GABRB1: variants seen among roughly 807,000 people sequenced by gnomAD.
The protein encoded by GABRB1 is gamma-aminobutyric acid receptor subunit beta-1.
In GABRB1, 17 loss-of-function variants were observed where a neutral mutation model predicts 51.6. The ratio of observed to expected loss-of-function variants is 0.33; its 90% CI spans 0.23 to 0.49. GABRB1 has a LOEUF of 0.49. Among genes scored for constraint, GABRB1 ranks in the 20% least tolerant of loss-of-function variants. GABRB1 has a pLI of 0.99. For missense variants in GABRB1, 410 were observed against 600.6 expected, an observed-to-expected ratio of 0.68 and a Z score of 3.32; for synonymous variants, 247 against 218.9, an observed-to-expected ratio of 1.13 and a Z score of -1.14.
intron 3 of GABRB1, among the ~76,000 whole-genome samples, chr4:47,068,089 A>T (rs1727163366): frequency 6.6e-6 from 1 of 152,160 alleles, no homozygotes; most frequent in Admixed American, 6.6e-5. Context: ...GTATTCTGAC[A>T]GCTTCCTTTC....
chr4:47,382,106 C>A (rs942445528), intron 5 of GABRB1, among the ~76,000 whole-genome samples: 4 of 152,152 alleles, frequency 2.6e-5, no homozygotes, highest in African/African-American at 9.7e-5. Context: ...AGAATAGAAT[C>A]TAGGTATAAT....
chr4:47,187,339 T>C (rs1163090962), intron 4 of GABRB1, among the ~76,000 whole-genome samples: 1 of 151,844 alleles, frequency 6.6e-6, no homozygotes, highest in Admixed American at 6.6e-5. Context: ...TACAAACTAA[T>C]CATGTCCTAA....
intron 4 of GABRB1, among the ~76,000 whole-genome samples, chr4:47,284,563 G>T (rs141763358): frequency 3.7e-4 from 57 of 152,040 alleles, no homozygotes; most frequent in Admixed American, 2.6e-4. Context: ...CTCTCAAGAG[G>T]GTTCACAACA....
chr4:47,413,474 C>T (rs183675479), intron 8 of GABRB1, among the ~76,000 whole-genome samples: 94 of 152,238 alleles, frequency 6.2e-4, no homozygotes, highest in African/African-American at 2.3e-3. Flanking sequence ...ATTAATAATG[C>T]AAACTGTGTG....
Position 47,337,765 on chromosome 4 carries a change from A to G in GABRB1, c.544+17556A>G, listed in dbSNP as rs1366332219. Among the ~76,000 whole-genome samples the G allele has an allele frequency of 2.7e-5, 4 of 146,296 alleles. No homozygotes were observed. In the East Asian group the frequency reaches 6.2e-4, roughly 23 times the overall value. Reference sequence around the variant, plus strand: ...GCAAAGGTTTCAGTGAGCCGACATCATGCCACTGCACTCCAGCCTGGGCGA... The same window carrying G: ...GCAAAGGTTTCAGTGAGCCGACATCGTGCCACTGCACTCCAGCCTGGGCGA... On this transcript the variant is annotated intron_variant, in intron 5 of 8. Coordinates refer to ENST00000295454, the MANE Select transcript of GABRB1 (RefSeq NM_000812.4).
chr4:47,215,399 C>T (rs1042136258), intron 4 of GABRB1, among the ~76,000 whole-genome samples: 19 of 151,912 alleles, frequency 1.3e-4, no homozygotes, highest in African/African-American at 4.6e-4. Flanking sequence ...AACAGTAATT[C>T]TCAAAGTTTA....
chr4:47,019,619 T>TCTC (rs1724851986), intron 1 of GABRB1, among the ~76,000 whole-genome samples: 4 of 108,036 alleles, frequency 3.7e-5, no homozygotes, highest in Non-Finnish European at 7.5e-5. Flanking sequence ...CTTTCTTTCT[T>TCTC]TCTCTCTCTT....
At chr4:47,312,086 C>A (rs1016129060) in intron 4 of GABRB1, among the ~76,000 whole-genome samples, 1 of 151,258 alleles carries the variant, frequency 6.6e-6, no homozygotes, top group Non-Finnish European at 1.5e-5. Flanking sequence ...TGCATACAGG[C>A]ATGCTTGGTG....
In GABRB1 at chr4:47,254,361, G is replaced by GGTTTTTTT. The variant is rs1305298443; in HGVS notation, c.462-65766_462-65765insGTTTTTTT. On this transcript the variant is annotated intron_variant, in intron 4 of 8. Transcript: ENST00000295454. Reference sequence around the variant, plus strand: ...ATGGTGGATGATGTTTCTTTTCTTTGTTTTTTTTTTTTTTTTTTTTTTTTT... The same window carrying GGTTTTTTT: ...ATGGTGGATGATGTTTCTTTTCTTTGGTTTTTTTTTTTTTTTTTTTTTTTTTTTTTTTT... Among the ~76,000 whole-genome samples the GGTTTTTTT allele has an allele frequency of 6.2e-5, 5 of 80,968 alleles. 1 individual carries two copies. The highest frequency in any genetic ancestry group is 6.8e-5 in the Non-Finnish European group (3 of 44,332). 53.1% of individuals were successfully genotyped at this position (80,968 alleles called of 152,430 possible).
chr4:47,399,417 CTGTT>C (rs1021794725), intron 5 of GABRB1, among the ~76,000 whole-genome samples: 12 of 152,090 alleles, frequency 7.9e-5, no homozygotes, highest in African/African-American at 2.2e-4. Flanking sequence ...TCTTAAATGT[CTGTT>C]TGTAGGGATG....
In GABRB1 at chr4:47,094,232, T is replaced by C. The variant is rs1425082594; in HGVS notation, c.240+61748T>C. 4.5e-4 allele frequency among the ~76,000 whole-genome samples: 66 copies of C among 145,474 alleles called. No homozygotes were observed. In the Middle Eastern group the frequency reaches 0.01, roughly 23 times the overall value. ...ATTTTTTCTTTTTCTTTTTTCTCTT[T>C]TTTTTTTTTTTTTGACAGAGTCTTG... On this transcript the variant is annotated intron_variant, in intron 3 of 8. Transcript: ENST00000295454.
intron 4 of GABRB1, among the ~76,000 whole-genome samples, chr4:47,201,700 AAT>A (rs1167154228): frequency 1.3e-5 from 2 of 152,264 alleles, no homozygotes; most frequent in Middle Eastern, 3.4e-3. Context: ...AATATTTTTA[AAT>A]ATATGAAATG....
intron 5 of GABRB1, among the ~76,000 whole-genome samples, chr4:47,371,085 T>TC (rs59604624): frequency 0.51 from 66,050 of 129,012 alleles, 16,823 homozygotes; most frequent in African/African-American, 0.55. Context: ...ATGCTCTCCC[T>TC]CCCCCACCCC....
chr4:47,233,330 C>T (rs531226975), intron 4 of GABRB1, among the ~76,000 whole-genome samples: 1 of 152,274 alleles, frequency 6.6e-6, no homozygotes, highest in Non-Finnish European at 1.5e-5. Context: ...ACCTCATACA[C>T]TTTCATTAAT....
chr4:47,015,811 T>C (rs1454214464), intron 1 of GABRB1, among the ~76,000 whole-genome samples: 5 of 152,274 alleles, frequency 3.3e-5, no homozygotes, highest in African/African-American at 7.2e-5. Flanking sequence ...TTTATTCATT[T>C]TGTTCTTAAT....
intron 1 of GABRB1, among the ~76,000 whole-genome samples, chr4:47,005,214 C>T (rs147776109): frequency 6.6e-6 from 1 of 152,256 alleles, no homozygotes; most frequent in African/African-American, 2.4e-5. Flanking sequence ...GTCAGGAAAT[C>T]GAGACCATCC....
chr4:47,295,281 G>A (rs368397078), intron 4 of GABRB1, among the ~76,000 whole-genome samples: 6 of 152,124 alleles, frequency 3.9e-5, no homozygotes, highest in African/African-American at 1.4e-4. Flanking sequence ...GAGTTGAGAG[G>A]AGAAGGCTTC....
At chr4:47,296,540 A>G (rs375405275) in intron 4 of GABRB1, among the ~76,000 whole-genome samples, 1 of 152,232 alleles carries the variant, frequency 6.6e-6, no homozygotes, top group Non-Finnish European at 1.5e-5. Context: ...AAAGGGATCA[A>G]TTCAACAAGA....
At chr4:47,225,176 T>G (rs1374891746) in intron 4 of GABRB1, among the ~76,000 whole-genome samples, 1 of 152,156 alleles carries the variant, frequency 6.6e-6, no homozygotes, top group African/African-American at 2.4e-5. Context: ...ATTACAGGCA[T>G]GAGCCACTGC....
Sources: allele counts gnomAD v4.1 joint callset (sites outside exome capture counted in the v4.1 genomes callset), GRCh38; gene constraint gnomAD v4.1.1; transcripts MANE v1.5; gene names NCBI Gene and HGNC (gene_info 2026-07-23, HGNC 2026-07-21).